The following NFIB variants were observed in gnomAD, a reference collection of about 807,000 sequenced individuals.
NFIB encodes nuclear factor 1 B-type.
In NFIB, 11 loss-of-function variants were observed where a neutral mutation model predicts 61.5. The observed-to-expected ratio is 0.18, with a 90% CI of 0.11 to 0.30. The LOEUF (loss-of-function observed/expected upper bound fraction) is 0.30. Among genes scored for constraint, NFIB ranks in the 10% least tolerant of loss-of-function variants. NFIB has a pLI of 1.00. For synonymous variants in NFIB, 260 were observed against 216.5 expected (o/e 1.20, Z -1.76); for missense variants, 471 against 608.9 (o/e 0.77, Z 2.38).
chr9:14,199,528 T>C (rs1257442293), intron 2 of NFIB, among the ~76,000 whole-genome samples: 2 of 152,150 alleles, frequency 1.3e-5, no homozygotes, highest in Non-Finnish European at 2.9e-5. Context: ...CTTAAGGAAG[T>C]GGTAAGGCAG....
intron 6 of NFIB, among the ~76,000 whole-genome samples, chr9:14,128,632 G>A (rs533556450): frequency 7.7e-4 from 116 of 151,468 alleles, no homozygotes; most frequent in Admixed American, 1.6e-3. Flanking sequence ...TTGGAGGCAG[G>A]GGTTGTAGTG....
the NFIB span, among the ~76,000 whole-genome samples, chr9:14,450,655 C>A: frequency 6.6e-6 from 1 of 152,164 alleles, no homozygotes; most frequent in Non-Finnish European, 1.5e-5. Flanking sequence ...CCCCTCCCCC[C>A]GCACCACAAA....
the NFIB span, among the ~76,000 whole-genome samples, chr9:14,472,807 C>A: frequency 6.6e-6 from 1 of 151,834 alleles, no homozygotes; most frequent in Non-Finnish European, 1.5e-5. Context: ...AGCCAACGCA[C>A]TGCAGCCTGG....
chr9:14,142,383 T>C (rs2041834044), intron 6 of NFIB, among the ~76,000 whole-genome samples: 1 of 152,134 alleles, frequency 6.6e-6, no homozygotes, highest in South Asian at 2.1e-4. Flanking sequence ...ACCATGACTG[T>C]GAAGCCTACC....
chr9:14,437,856 A>G, the NFIB span, among the ~76,000 whole-genome samples: 1 of 152,218 alleles, frequency 6.6e-6, no homozygotes, highest in Non-Finnish European at 1.5e-5. Context: ...CTGGAGGCCA[A>G]GAGTGGCAAT....
At chr9:14,268,042 T>A (rs968621088) in intron 2 of NFIB, among the ~76,000 whole-genome samples, 1 of 150,044 alleles carries the variant, frequency 6.7e-6, no homozygotes. Flanking sequence ...GGCTGAGACA[T>A]GAGACTCACT....
the NFIB span, among the ~76,000 whole-genome samples, chr9:14,424,820 G>A: frequency 9.9e-5 from 15 of 152,260 alleles, no homozygotes; most frequent in African/African-American, 7.2e-5. Flanking sequence ...CATATCTGGG[G>A]ATAAGTCTGG....
chr9:14,260,068 A>T (rs1370752184), intron 2 of NFIB, among the ~76,000 whole-genome samples: 1 of 152,174 alleles, frequency 6.6e-6, no homozygotes, highest in African/African-American at 2.4e-5. Context: ...CACTTTTATT[A>T]ACAGGTGCCA....
the NFIB span, among the ~76,000 whole-genome samples, chr9:14,482,165 T>TG: frequency 0.11 from 16,647 of 149,790 alleles, 996 homozygotes; most frequent in South Asian, 0.19. Context: ...GTCACTGAGC[T>TG]AACAAATTAG....
chr9:14,390,951 C>A (rs569733117), intron 1 of NFIB, among the ~76,000 whole-genome samples: 3 of 152,260 alleles, frequency 2.0e-5, no homozygotes, highest in South Asian at 2.1e-4. Context: ...CACAAAATTT[C>A]TTGAGTTCAT....
At chr9:14,481,195 GTGTATATATATA>G in the NFIB span, among the ~76,000 whole-genome samples, 3,841 of 35,036 alleles carry the variant, frequency 0.11, 247 homozygotes, top group Admixed American at 0.3. Context: ...GTGTGTGTGT[GTGTATATATATA>G]TATATATATA....
At chr9:14,264,181 C>T (rs79039164) in intron 2 of NFIB, among the ~76,000 whole-genome samples, 3 of 150,338 alleles carry the variant, frequency 2.0e-5, no homozygotes, top group Non-Finnish European at 1.5e-5. Flanking sequence ...TTAAAATTGA[C>T]CAAAAAAAAA....
the NFIB span, among the ~76,000 whole-genome samples, chr9:14,438,830 T>G: frequency 2.6e-5 from 4 of 151,944 alleles, no homozygotes; most frequent in Non-Finnish European, 5.9e-5. Context: ...CGGCAGAGAA[T>G]GAGGGCTCTG....
intron 10 of NFIB, among the ~76,000 whole-genome samples, chr9:14,097,686 G>T (rs754111690): frequency 9.2e-5 from 14 of 151,902 alleles, no homozygotes; most frequent in Non-Finnish European, 1.9e-4. Context: ...CAAACATATG[G>T]TTTGCAACCC....
Position 14,220,909 on chromosome 9 carries a change from C to T in NFIB, c.563-41129G>A, listed in dbSNP as rs187522288. Reference sequence around the variant, plus strand: ...CACCACATCCCATCTTCTTCCTATTCCTCTCACCCCCTCCCAAGGAGAGTT... The same window carrying T: ...CACCACATCCCATCTTCTTCCTATTTCTCTCACCCCCTCCCAAGGAGAGTT... On this transcript the variant is annotated intron_variant, in intron 2 of 10. Coordinates refer to ENST00000380953, the MANE Select transcript of NFIB (RefSeq NM_001190737.2). Among the ~76,000 whole-genome samples the T allele has an allele frequency of 5.5e-5, 8 of 146,326 alleles. No homozygotes were observed. In the Admixed American group the frequency reaches 5.5e-4, roughly 10 times the overall value.
At chr9:14,383,539 G>A (rs2061512803) in intron 1 of NFIB, among the ~76,000 whole-genome samples, 1 of 152,178 alleles carries the variant, frequency 6.6e-6, no homozygotes, top group African/African-American at 2.4e-5. Flanking sequence ...TGGTCCAGTG[G>A]TTGATTTGTT....
intron 10 of NFIB, among the ~76,000 whole-genome samples, chr9:14,100,490 C>T (rs1331064793): frequency 6.6e-6 from 1 of 151,862 alleles, no homozygotes; most frequent in Non-Finnish European, 1.5e-5. Flanking sequence ...GGGCAGATCA[C>T]GAGGTTAGGA....
At chr9:14,461,808 A>C in the NFIB span, among the ~76,000 whole-genome samples, 14 of 152,208 alleles carry the variant, frequency 9.2e-5, no homozygotes, top group African/African-American at 3.4e-4. Flanking sequence ...ATTCCACCAG[A>C]TCTTAAGTGG....
chr9:14,095,759 T>C (rs747385534), intron 10 of NFIB, among the ~76,000 whole-genome samples: 2 of 152,188 alleles, frequency 1.3e-5, no homozygotes, highest in African/African-American at 4.8e-5. Context: ...AACTTACTTG[T>C]ATCAGAATGC....
Sources: gnomAD v4.1 joint callset for allele counts (sites outside exome capture counted in the v4.1 genomes callset) on GRCh38, gnomAD v4.1.1 for gene constraint, MANE v1.5 for transcripts, NCBI Gene and HGNC (gene_info 2026-07-23, HGNC 2026-07-21) for gene names.